WDHD1: variants seen among roughly 807,000 people sequenced by gnomAD.
WDHD1 encodes the protein WD repeat and HMG-box DNA-binding protein 1.
A neutral mutation model predicts 135.4 loss-of-function variants in WDHD1; 111 were observed. The observed-to-expected ratio is 0.82, with a 90% confidence interval of 0.70 to 0.96. The LOEUF is 0.96. Among genes scored for constraint, WDHD1 ranks in the 40% least tolerant of loss-of-function variants. The probability of loss-of-function intolerance (pLI) is 0.00; values close to 1 mark genes in which losing one functional copy is unlikely to be tolerated. For synonymous variants in WDHD1, 434 were observed against 439.0 expected, an observed-to-expected ratio of 0.99 and a Z score of 0.14; for missense variants, 1,351 against 1,336.3, an observed-to-expected ratio of 1.01 and a Z score of -0.17.
At chr14:54,982,512 C>T (rs1474285971) in intron 15 of WDHD1, among the ~76,000 whole-genome samples, 4 of 152,078 alleles carry the variant, frequency 2.6e-5, no homozygotes, top group African/African-American at 4.8e-5. Flanking sequence ...ATTCTTACCT[C>T]GTAAAACAGG....
At chr14:54,998,219 AT>A (rs942920411) in intron 10 of WDHD1, among the ~76,000 whole-genome samples, 8 of 137,546 alleles carry the variant, frequency 5.8e-5, no homozygotes, top group South Asian at 2.3e-4. Flanking sequence ...AAAAAAAAAA[AT>A]TTTTAATGGA....
At chr14:54,941,789 A>G in intron 25 of WDHD1, 99 bp from the exon 26 acceptor site, 1 of 1,059,152 alleles carries the variant, frequency 9.4e-7, no homozygotes, top group Non-Finnish European at 1.3e-6. Context: ...TTTTATATAT[A>G]AAGCAGAATA....
At chr14:55,011,524 CAAAAA>C (rs60615259) in intron 3 of WDHD1, among the ~76,000 whole-genome samples, 3 of 50,996 alleles carry the variant, frequency 5.9e-5, no homozygotes, top group African/African-American at 1.6e-4. Context: ...AACTCTGTCT[CAAAAA>C]AAAAAAAAAA....
At chr14:54,951,122 G>A (rs1297884930) in intron 24 of WDHD1, among the ~76,000 whole-genome samples, 1 of 152,078 alleles carries the variant, frequency 6.6e-6, no homozygotes, top group Non-Finnish European at 1.5e-5. Context: ...TCAAAAGCTA[G>A]CAGAAGGCAA....
intron 3 of WDHD1, among the ~76,000 whole-genome samples, chr14:55,013,274 TA>T (rs969296345): frequency 1.3e-4 from 20 of 149,946 alleles, no homozygotes; most frequent in Middle Eastern, 3.5e-3. Context: ...TTCATGAGAT[TA>T]AAAAAAGGTA....
intron 5 of WDHD1, 103 bp downstream of exon 5, chr14:55,008,505 G>T: frequency 1.4e-6 from 2 of 1,430,250 alleles, no homozygotes; most frequent in Non-Finnish European, 1.9e-6. Context: ...TAAAACAAAG[G>T]TTGAAAAGTT....
intron 15 of WDHD1, among the ~76,000 whole-genome samples, chr14:54,983,656 G>C (rs923130995): frequency 4.0e-5 from 6 of 150,410 alleles, no homozygotes; most frequent in African/African-American, 9.9e-5. Context: ...CTGGGCAACA[G>C]AGCAAGACTC....
chr14:54,950,686 GA>G (rs1199476700), intron 24 of WDHD1, among the ~76,000 whole-genome samples: 12 of 152,190 alleles, frequency 7.9e-5, no homozygotes, highest in African/African-American at 2.7e-4. Flanking sequence ...CAAATCAACA[GA>G]ATATACATTC....
chr14:55,022,024 C>T (rs2042357065), intron 2 of WDHD1, among the ~76,000 whole-genome samples: 2 of 152,154 alleles, frequency 1.3e-5, no homozygotes, highest in Admixed American at 6.5e-5. Flanking sequence ...CCTGTATGAA[C>T]TCCTCATCTA....
chr14:54,972,820 A>G (rs368209209), intron 16 of WDHD1, among the ~76,000 whole-genome samples: 5 of 152,230 alleles, frequency 3.3e-5, no homozygotes, highest in South Asian at 4.1e-4. Context: ...AATGCCTAAT[A>G]TAGGTTAAGT....
intron 11 of WDHD1, 92 bp from the exon 12 acceptor site, chr14:54,991,492 A>C: frequency 1.6e-6 from 2 of 1,219,100 alleles, no homozygotes; most frequent in Middle Eastern, 2.0e-4. Context: ...TTTTTCATTC[A>C]TATTCAATGA....
At position 54,964,061 on chromosome 14, in the gene WDHD1, T is replaced by A. The variant is rs183786183; in HGVS notation, c.2311-889A>T. ...AGGTTGAGGCTGCAGTGAGTTACAA[T>A]CTTGCCACTGTACTCTAGCCTGGGT... On this transcript the variant is annotated intron_variant, in intron 18 of 25. Transcript: ENST00000360586. Among the ~76,000 whole-genome samples, 813 of 152,254 alleles carry A rather than the reference T, an allele frequency of 5.3e-3. 6 individuals are homozygous for A. The highest frequency in any genetic ancestry group is 0.018 in the African/African-American group (764 of 41,552).
At chr14:55,024,216 A>C (rs1266913995) in intron 2 of WDHD1, among the ~76,000 whole-genome samples, 1 of 152,184 alleles carries the variant, frequency 6.6e-6, no homozygotes, top group Non-Finnish European at 1.5e-5. Context: ...TGAGCTTGAG[A>C]CACAATTATC....
rs767030158 is a variant in WDHD1 at position 55,010,429 on chromosome 14, T to G, written c.221A>C (p.Asn74Thr). The G allele has an allele frequency of 5.0e-6, 8 of 1,607,648 alleles. No homozygotes were observed. Among genetic ancestry groups the G allele is most frequent in the South Asian group, 4.5e-5 (4 of 89,380 alleles). ...AGGAAATGTGTGGACTTGAATAGTA[T>G]TATTAGAAACTGCAGTGACCAGTTT... ...SGKLVTAVSN[N>T]TIQVHTFPEG... Residue 74 changes from asparagine (N) to threonine (T), a missense_variant, in exon 4 of 26, where the codon AAT (asparagine) becomes ACT (threonine). Asn to Thr is a moderately conservative substitution (Grantham distance 65). This residue lies in a region of WDHD1 where 1,330 missense variants were observed against 1,296.1 expected (regional missense o/e 1.03). Coordinates refer to ENST00000360586, the MANE Select transcript of WDHD1 (RefSeq NM_007086.4).
At chr14:54,994,742 C>G (rs940784655) in intron 11 of WDHD1, among the ~76,000 whole-genome samples, 1 of 146,020 alleles carries the variant, frequency 6.8e-6, no homozygotes, top group African/African-American at 2.6e-5. Flanking sequence ...GCCTGGGTGA[C>G]AGAGTGAGAC....
intron 13 of WDHD1, among the ~76,000 whole-genome samples, chr14:54,988,653 G>C (rs2041732454): frequency 1.3e-5 from 2 of 151,728 alleles, no homozygotes; most frequent in Admixed American, 1.3e-4. Context: ...TAGAATTCTG[G>C]GAGGAGTTTT....
chr14:54,973,991 CAAGGAA>C (rs1174327073), intron 16 of WDHD1, among the ~76,000 whole-genome samples: 1 of 151,126 alleles, frequency 6.6e-6, no homozygotes. Flanking sequence ...TAGAAGAATT[CAAGGAA>C]AAAACAAACA....
At position 54,955,542 on chromosome 14, in the gene WDHD1, A is replaced by C. The variant is rs200253655; in HGVS notation, c.3050+19T>G. 6.7e-7 allele frequency: 1 copy of C among 1,501,114 alleles called. No individual in the cohort carries two copies. Among genetic ancestry groups the C allele is most frequent in the Non-Finnish European group, 8.8e-7 (1 of 1,132,524 alleles). The allele number at this position is 1,501,114 out of a possible 1,614,324, so 93.0% of individuals were successfully genotyped here. A position where few individuals can be genotyped will look rare whatever the true frequency, so the allele number is the denominator to read the frequency against. On this transcript the variant is annotated intron_variant, in intron 24 of 25. Coordinates refer to ENST00000360586, the MANE Select transcript of WDHD1 (RefSeq NM_007086.4). ...CTTTTTACTTGGTCACTGCATGCTAAATTTCTCTATGTACTGACCTTTGGT... is the reference window on the plus strand; with the variant it reads ...CTTTTTACTTGGTCACTGCATGCTACATTTCTCTATGTACTGACCTTTGGT...
chr14:54,971,483 C>T (rs770102115), intron 16 of WDHD1, among the ~76,000 whole-genome samples: 3 of 151,960 alleles, frequency 2.0e-5, no homozygotes, highest in Non-Finnish European at 4.4e-5. Flanking sequence ...TTTACAATAG[C>T]CATATGCACA....
Sources: allele counts gnomAD v4.1 joint callset (sites outside exome capture counted in the v4.1 genomes callset), GRCh38; gene constraint gnomAD v4.1.1; regional missense constraint gnomAD v4.1.1; transcripts MANE v1.5; gene names NCBI Gene and HGNC (gene_info 2026-07-23, HGNC 2026-07-21).